CDH4: variants seen among roughly 807,000 people sequenced by gnomAD.
The protein encoded by CDH4 is cadherin 4.
Under a neutral mutation model 86.0 loss-of-function variants are expected in CDH4, and 33 were observed. The observed-to-expected ratio is 0.38, with a 90% confidence interval of 0.29 to 0.51. The LOEUF (loss-of-function observed/expected upper bound fraction) is 0.51. CDH4 is among the 20% of genes least tolerant of loss of function. The pLI, the probability that CDH4 is intolerant of heterozygous loss-of-function variation, is 0.86. For synonymous variants in CDH4, 555 were observed against 549.4 expected, an observed-to-expected ratio of 1.01 and a Z score of -0.14; for missense variants, 1,114 against 1,307.4, an observed-to-expected ratio of 0.85 and a Z score of 2.28.
At chr20:61,908,993 C>T (rs2054821418) in intron 8 of CDH4, among the ~76,000 whole-genome samples, 2 of 152,188 alleles carry the variant, frequency 1.3e-5, no homozygotes, top group Non-Finnish European at 2.9e-5. Flanking sequence ...CCCCAGACAC[C>T]CTAACGGCCT....
intron 2 of CDH4, among the ~76,000 whole-genome samples, chr20:61,500,259 A>T (rs1302730096): frequency 2.0e-5 from 3 of 152,250 alleles, no homozygotes; most frequent in Non-Finnish European, 4.4e-5. Context: ...TTTTCAGAGG[A>T]TGCACGGTGC....
intron 2 of CDH4, among the ~76,000 whole-genome samples, chr20:61,548,890 A>G (rs146636974): frequency 1.5e-3 from 221 of 152,294 alleles, no homozygotes; most frequent in African/African-American, 4.7e-3. Flanking sequence ...TGGCTCGTTC[A>G]GGGAATTGAA....
At chr20:61,601,465 C>G (rs947088953) in intron 2 of CDH4, among the ~76,000 whole-genome samples, 32 of 152,228 alleles carry the variant, frequency 2.1e-4, no homozygotes, top group African/African-American at 7.2e-4. Flanking sequence ...CCCTGCAGAT[C>G]TCCGGAGTCA....
At chr20:61,563,813 C>T (rs114568976) in intron 2 of CDH4, among the ~76,000 whole-genome samples, 82 of 152,248 alleles carry the variant, frequency 5.4e-4, no homozygotes, top group African/African-American at 1.9e-3. Context: ...GCATAGGGTG[C>T]GTTATATTCT....
intron 2 of CDH4, among the ~76,000 whole-genome samples, chr20:61,471,351 C>T (rs914917945): frequency 3.9e-5 from 6 of 151,944 alleles, no homozygotes; most frequent in African/African-American, 1.4e-4. Flanking sequence ...CTTTGCGTTT[C>T]TGTGTTATCA....
rs2427161 is a variant in CDH4, at chr20:61,517,515, G to T, written c.170-226048G>T. Among the ~76,000 whole-genome samples, 78,883 of 151,648 alleles carry T rather than the reference G, an allele frequency of 0.52. 21,579 individuals carry two copies. The highest frequency in any genetic ancestry group is 0.7 in the African/African-American group (28,793 of 41,324). On this transcript the variant is annotated intron_variant, in intron 2 of 15. Coordinates refer to ENST00000614565, the MANE Select transcript of CDH4 (RefSeq NM_001794.5). The surrounding 1 kb of genome is among the most constrained non-coding windows in gnomAD (Gnocchi z 6.6). ...TGGCCTATAGACTTTTGTGTCTGGCGGCTTTTAAGAGTCAGACTTGTTTAT... is the reference window on the plus strand; with the variant it reads ...TGGCCTATAGACTTTTGTGTCTGGCTGCTTTTAAGAGTCAGACTTGTTTAT...
At chr20:61,742,165 G>A (rs901503842) in intron 2 of CDH4, among the ~76,000 whole-genome samples, 1 of 145,128 alleles carries the variant, frequency 6.9e-6, no homozygotes, top group Admixed American at 6.8e-5. Context: ...CCTTAGAAGG[G>A]GAACAGATCC....
chr20:61,848,622 T>C (rs1600708961), intron 5 of CDH4, among the ~76,000 whole-genome samples: 1 of 152,004 alleles, frequency 6.6e-6, no homozygotes. Flanking sequence ...GCCTCACAGG[T>C]TCAAGCGATT....
At chr20:61,270,209 A>G (rs1182143832) in intron 2 of CDH4, among the ~76,000 whole-genome samples, 1 of 152,232 alleles carries the variant, frequency 6.6e-6, no homozygotes, top group Non-Finnish European at 1.5e-5. Context: ...ATCGTTATTT[A>G]TTAATCAGGT....
intron 2 of CDH4, chr20:61,718,888 CTCTG>C (rs935717090): frequency 2.1e-6 from 1 of 470,982 alleles, no homozygotes; most frequent in African/African-American, 2.0e-5. Flanking sequence ...GGATGGAACT[CTCTG>C]TCTGCTGCTT....
intron 2 of CDH4, among the ~76,000 whole-genome samples, chr20:61,491,941 G>A (rs1205667498): frequency 1.3e-5 from 2 of 152,046 alleles, no homozygotes; most frequent in Non-Finnish European, 2.9e-5. Flanking sequence ...ACTGTTAGTG[G>A]TGCTGATGTT....
chr20:61,791,863 G>A (rs192848183), intron 4 of CDH4, among the ~76,000 whole-genome samples: 10 of 152,258 alleles, frequency 6.6e-5, no homozygotes, highest in South Asian at 2.1e-4. Context: ...GGAATGGAAA[G>A]GTCTGTGCGG....
intron 2 of CDH4, among the ~76,000 whole-genome samples, chr20:61,634,236 A>C (rs1041771674): frequency 1.8e-4 from 28 of 152,140 alleles, no homozygotes; most frequent in African/African-American, 6.8e-4. Context: ...GAGCCTCTTC[A>C]CCCTGTATAC....
At chr20:61,495,398 C>T (rs939557956) in intron 2 of CDH4, among the ~76,000 whole-genome samples, 4 of 152,148 alleles carry the variant, frequency 2.6e-5, no homozygotes, top group South Asian at 2.1e-4. Context: ...CCCCTCCCCC[C>T]GCCGCCAGCC....
At chr20:61,414,407 G>A (rs62199119) in intron 2 of CDH4, among the ~76,000 whole-genome samples, 16,082 of 152,276 alleles carry the variant, frequency 0.11, 1,324 homozygotes, top group African/African-American at 0.23. Flanking sequence ...GTGGTGTGAG[G>A]TGACTTGGAA....
chr20:61,850,135 C>A (rs1229932222), intron 5 of CDH4, among the ~76,000 whole-genome samples: 2 of 152,190 alleles, frequency 1.3e-5, no homozygotes, highest in African/African-American at 4.8e-5. Context: ...CCAGAAGATT[C>A]CTTGAAGGAT....
chr20:61,577,650 G>T (rs1472127203), intron 2 of CDH4, among the ~76,000 whole-genome samples: 2 of 152,130 alleles, frequency 1.3e-5, no homozygotes, highest in African/African-American at 4.8e-5. Flanking sequence ...TGGGTGGGTT[G>T]GTGGGTGGGC....
chr20:61,616,757 G>A lies in CDH4; in HGVS notation c.170-126806G>A, dbSNP rs143658634. Among the ~76,000 whole-genome samples the A allele has an allele frequency of 8.2e-4, 125 of 152,266 alleles. 2 individuals are homozygous for A. The highest frequency in any genetic ancestry group is 2.7e-3 in the African/African-American group (112 of 41,554). ...TGGTCATAGCCAGGTGGGTCCTTGCGTTTCTCTCCAAATGTTCTTGATTTC... is the reference window on the plus strand; with the variant it reads ...TGGTCATAGCCAGGTGGGTCCTTGCATTTCTCTCCAAATGTTCTTGATTTC... On this transcript the variant is annotated intron_variant, in intron 2 of 15. Coordinates refer to ENST00000614565, the MANE Select transcript of CDH4 (RefSeq NM_001794.5).
At chr20:61,441,029 T>C (rs1388130749) in intron 2 of CDH4, among the ~76,000 whole-genome samples, 1 of 152,254 alleles carries the variant, frequency 6.6e-6, no homozygotes, top group Non-Finnish European at 1.5e-5. Context: ...AAACATTTTC[T>C]GTGTCCAGCT....
Sources: allele counts gnomAD v4.1 joint callset (sites outside exome capture counted in the v4.1 genomes callset), GRCh38; gene constraint gnomAD v4.1.1; non-coding constraint Gnocchi (gnomAD v3.1); transcripts MANE v1.5; gene names NCBI Gene and HGNC (gene_info 2026-07-23, HGNC 2026-07-21).